Variants in COL15A1 observed in about 807,000 individuals in gnomAD.
COL15A1 encodes the protein collagen alpha-1(XV) chain.
Under a neutral mutation model 165.9 loss-of-function variants are expected in COL15A1, and 111 were observed. The observed-to-expected ratio is 0.67, with a 90% CI of 0.57 to 0.78. COL15A1 has a LOEUF of 0.78. Ranked by LOEUF, COL15A1 falls within the 30% of genes least tolerant of loss-of-function variation. COL15A1 has a pLI of 0.00. For missense variants in COL15A1, 1,745 were observed against 1,789.7 expected (o/e 0.98, Z 0.45); for synonymous variants, 659 against 674.8 (o/e 0.98, Z 0.36).
At chr9:99,038,004 A>G (rs1202278409) in intron 21 of COL15A1, among the ~76,000 whole-genome samples, 3 of 152,186 alleles carry the variant, frequency 2.0e-5, no homozygotes, top group African/African-American at 7.2e-5. Flanking sequence ...ATATTAAGAC[A>G]TCACATCATG....
intron 19 of COL15A1, among the ~76,000 whole-genome samples, chr9:99,035,633 A>G (rs1179161152): frequency 6.6e-6 from 1 of 152,186 alleles, no homozygotes; most frequent in Admixed American, 6.5e-5. Flanking sequence ...ATGTGGGAAG[A>G]GAACTTGAAA....
chr9:98,981,205 C>A (rs1214643137), intron 2 of COL15A1, among the ~76,000 whole-genome samples: 1 of 152,146 alleles, frequency 6.6e-6, no homozygotes, highest in Non-Finnish European at 1.5e-5. Flanking sequence ...CGCCTGTAAT[C>A]CCAGCACTTT....
rs1225347501 is a variant in COL15A1, at chr9:99,050,041, T to C, written c.2904+146T>C. 97 of 1,063,202 alleles carry C rather than the reference T, an allele frequency of 9.1e-5. No individual in the cohort carries two copies. The South Asian group carries it at 1.4e-3, about 16-fold the overall frequency. The allele number at this position is 1,063,202 out of a possible 1,614,324, so 65.9% of individuals were successfully genotyped here. A position where few individuals can be genotyped will look rare whatever the true frequency, so the allele number is the denominator to read the frequency against. ...CCCTAAGTGTAGACCCTCAAGTGAC[T>C]AGAAGCTTTTAGATAACAGGTCGTG... On this transcript the variant is annotated intron_variant, in intron 30 of 41. Transcript: ENST00000375001.
chr9:99,015,986 A>G lies in COL15A1; in HGVS notation c.1514A>G (p.Asp505Gly), dbSNP rs1838927931. ...PERAVTSGPG[D>G]EEDLAAATTE... ...TGGTTTTGTTTTCAGGGTCCTGGTG[A>G]TGAAGAAGACTTGGCAGCAGCCACA... The change falls in exon 11 of 42, where the codon GAT becomes GGT. Residue 505 changes from aspartate to glycine, a missense_variant. Asp to Gly is a moderately conservative substitution (Grantham distance 94). Coordinates refer to ENST00000375001, the MANE Select transcript of COL15A1 (RefSeq NM_001855.5). 2 of 1,613,622 alleles carry G rather than the reference A, an allele frequency of 1.2e-6. No homozygotes were observed. Among genetic ancestry groups the G allele is most frequent in the Admixed American group, 3.3e-5 (2 of 59,962 alleles).
chr9:99,066,694 A>G (rs1825900013), intron 39 of COL15A1, among the ~76,000 whole-genome samples, 188 bp from the exon 40 acceptor site: 2 of 142,446 alleles, frequency 1.4e-5, no homozygotes, highest in Admixed American at 7.5e-5. Context: ...GGGAGACCAT[A>G]GCTCTCCTTC....
intron 34 of COL15A1, 70 bp from the exon 35 acceptor site, chr9:99,056,190 A>G (rs920866966): frequency 3.5e-6 from 5 of 1,422,966 alleles, no homozygotes; most frequent in Admixed American, 1.7e-5. Context: ...ATATTCTCAT[A>G]AAAGGACTAG....
At chr9:98,965,427 G>A (rs148712564) in intron 2 of COL15A1, among the ~76,000 whole-genome samples, 166 of 152,326 alleles carry the variant, frequency 1.1e-3, no homozygotes, top group African/African-American at 3.8e-3. Context: ...CATAGCCACA[G>A]TCCCCACCCC....
At chr9:98,950,550 C>CCCTTCCTTCCTTCCTTCCTTCCTTCCTT in intron 2 of COL15A1, among the ~76,000 whole-genome samples, 1 of 66,956 alleles carries the variant, frequency 1.5e-5, no homozygotes, top group East Asian at 7.6e-4. Flanking sequence ...CCTTCCCTTC[C>CCCTTCCTTCCTTCCTTCCTTCCTTCCTT]CCTTCCTTCC....
intron 6 of COL15A1, among the ~76,000 whole-genome samples, chr9:98,998,464 G>T (rs1838587947): frequency 6.6e-6 from 1 of 152,152 alleles, no homozygotes; most frequent in African/African-American, 2.4e-5. Context: ...TGCCCGCTGG[G>T]GAGAGTCAGA....
intron 16 of COL15A1, among the ~76,000 whole-genome samples, chr9:99,033,284 C>T (rs2119043139): frequency 6.6e-6 from 1 of 152,190 alleles, no homozygotes; most frequent in East Asian, 1.9e-4. Context: ...TTGGACCTCA[C>T]AGAGTTTCCT....
At chr9:98,995,083 C>G (rs1462636147) in intron 5 of COL15A1, among the ~76,000 whole-genome samples, 1 of 152,200 alleles carries the variant, frequency 6.6e-6, no homozygotes, top group East Asian at 1.9e-4. Flanking sequence ...CAGCCTCACT[C>G]CAGACTAGAG....
chr9:98,983,195 G>A (rs1200003060), intron 2 of COL15A1, among the ~76,000 whole-genome samples: 1 of 152,174 alleles, frequency 6.6e-6, no homozygotes, highest in Non-Finnish European at 1.5e-5. Flanking sequence ...CTCTGTGAGT[G>A]TTGCGGAGTT....
chr9:99,011,423 A>AAAAAAAAAAC lies in COL15A1; in HGVS notation c.1354-3993_1354-3992insAAAAAAAACA, dbSNP rs548063268. Among the ~76,000 whole-genome samples the AAAAAAAAAAC allele has an allele frequency of 1.4e-4, 19 of 135,132 alleles. 1 individual carries two copies. Among genetic ancestry groups the AAAAAAAAAAC allele is most frequent in the Non-Finnish European group, 1.9e-4 (12 of 64,434 alleles). 88.7% of individuals were successfully genotyped at this position (135,132 alleles called of 152,430 possible). On this transcript the variant is annotated intron_variant, in intron 9 of 41. Transcript: ENST00000375001. ...CTCTTTCTGAAAAAAAAAAAAAAAA[A>AAAAAAAAAAC]AGTCATTTTATTCTAGGACAAAATT... is the stretch of plus-strand genomic sequence containing the variant.
intron 3 of COL15A1, 133 bp from the exon 4 acceptor site, chr9:98,987,161 A>G: frequency 1.2e-6 from 1 of 838,902 alleles, no homozygotes. Context: ...TTCGTGGTTG[A>G]GACTGCAGGC....
intron 21 of COL15A1, among the ~76,000 whole-genome samples, chr9:99,038,314 G>A (rs145707149): frequency 9.9e-5 from 15 of 152,230 alleles, no homozygotes; most frequent in African/African-American, 3.6e-4. Context: ...GCAAGTTGAG[G>A]AGTAATACAG....
intron 19 of COL15A1, among the ~76,000 whole-genome samples, chr9:99,035,851 C>A (rs921567286): frequency 1.3e-5 from 2 of 152,166 alleles, no homozygotes; most frequent in Non-Finnish European, 2.9e-5. Flanking sequence ...TGCCATGAAG[C>A]GATGCCGGCT....
rs1838332715 is a variant in COL15A1, at chr9:98,987,317, G to C, written c.672G>C (p.Val224=). The change falls in exon 4 of 42, where the codon GTG becomes GTC. Residue 224 remains valine (V), a synonymous_variant. Transcript: ENST00000375001. The part of the protein sequence containing the change: ...RFTGSLQQLT[V]HPDPRTPEEL... ...AGGGCTCCCTCCAGCAGCTCACCGT[G>C]CACCCCGACCCCAGGACTCCCGAGG... is the stretch of plus-strand genomic sequence containing the variant. The C allele has an allele frequency of 1.9e-6, 3 of 1,613,422 alleles. No individual in the cohort carries two copies. Among genetic ancestry groups the C allele is most frequent in the South Asian group, 1.1e-5 (1 of 91,008 alleles).
chr9:99,036,273 T>C (rs1369624581), intron 20 of COL15A1, 40 bp from the exon 21 acceptor site: 11 of 1,613,834 alleles, frequency 6.8e-6, no homozygotes, highest in Non-Finnish European at 9.3e-6. Context: ...ATTATCGCTG[T>C]ACAGTGAATT....
At chr9:98,947,476 C>G (rs1356825119) in intron 2 of COL15A1, among the ~76,000 whole-genome samples, 1 of 152,158 alleles carries the variant, frequency 6.6e-6, no homozygotes, top group African/African-American at 2.4e-5. Flanking sequence ...CTAAAATAAT[C>G]TAACTATACA....
Sources: allele counts gnomAD v4.1 joint callset (sites outside exome capture counted in the v4.1 genomes callset), GRCh38; gene constraint gnomAD v4.1.1; transcripts MANE v1.5; gene names NCBI Gene and HGNC (gene_info 2026-07-23, HGNC 2026-07-21).